Variants in SLC6A2 observed in about 807,000 individuals in gnomAD.
SLC6A2 encodes solute carrier family 6 member 2, also known as sodium-dependent noradrenaline transporter.
In SLC6A2, 26 loss-of-function variants were observed where a neutral mutation model predicts 71.7. The observed-to-expected ratio is 0.36, with a 90% CI of 0.27 to 0.50. SLC6A2 has a LOEUF of 0.50. SLC6A2 is among the 20% of genes least tolerant of loss of function. SLC6A2 has a pLI of 0.96. For synonymous variants in SLC6A2, 363 were observed against 337.9 expected (o/e 1.07, Z -0.82); for missense variants, 581 against 803.9 (o/e 0.72, Z 3.35).
In SLC6A2 at chr16:55,679,143, T is replaced by C. The variant is rs112974538; in HGVS notation, c.645-6000T>C. 7.9e-4 allele frequency among the ~76,000 whole-genome samples: 120 copies of C among 152,300 alleles called. 1 individual carries two copies. The highest frequency in any genetic ancestry group is 2.8e-3 in the African/African-American group (117 of 41,566). On this transcript the variant is annotated intron_variant, in intron 4 of 14. Coordinates refer to ENST00000568943, the MANE Select transcript of SLC6A2 (RefSeq NM_001172501.3). ...TCAACCAAATGACAATTGACACAAT[T>C]CAACACCTGTCCCATAAAGGCACAG...
At chr16:55,679,284 A>G (rs993904058) in intron 4 of SLC6A2, among the ~76,000 whole-genome samples, 3 of 151,486 alleles carry the variant, frequency 2.0e-5, no homozygotes, top group Non-Finnish European at 4.4e-5. Context: ...CTGGAGGGCA[A>G]TGGCTCAATC....
intron 2 of SLC6A2, among the ~76,000 whole-genome samples, chr16:55,667,143 T>A (rs531105249): frequency 3.3e-5 from 5 of 152,278 alleles, no homozygotes; most frequent in African/African-American, 1.2e-4. Flanking sequence ...GTAAGCCTCC[T>A]GCCTTGGCCT....
rs570618334 is a variant in SLC6A2, at chr16:55,661,413, C to T, written c.274+4445C>T. Among the ~76,000 whole-genome samples, 14 of 152,296 alleles carry T rather than the reference C, an allele frequency of 9.2e-5. No homozygotes were observed. The South Asian group carries it at 1.7e-3, about 18-fold the overall frequency. ...TCCTTACACAGAAGAGGAGAATAAC[C>T]ACAGCACCTTCTTGCAGGGTGAGAT... On this transcript the variant is annotated intron_variant, in intron 2 of 14. Transcript: ENST00000568943.
At position 55,656,661 on chromosome 16, in the gene SLC6A2, A is replaced by C. The variant is rs755920984; in HGVS notation, c.-34A>C. On this transcript the variant is annotated 5_prime_UTR_variant, in exon 2 of 15. Coordinates refer to ENST00000568943, the MANE Select transcript of SLC6A2 (RefSeq NM_001172501.3). The surrounding 1 kb of genome is among the most constrained non-coding windows in gnomAD (Gnocchi z 4.5). ...CCAAGCAGAGCCTCGGCGTGCCCCC[A>C]GGACCGGTAAAGTTCCTCTCGCCAG... is the stretch of plus-strand genomic sequence containing the variant. 2 of 1,610,856 alleles carry C rather than the reference A, an allele frequency of 1.2e-6. No homozygotes were observed. Among genetic ancestry groups the C allele is most frequent in the Non-Finnish European group, 8.5e-7 (1 of 1,179,774 alleles).
At position 55,695,369 on chromosome 16, in the gene SLC6A2, C is replaced by T. The variant is rs759956740; in HGVS notation, c.1114C>T (p.His372Tyr). ...FSILGYMAHE[H>Y]KVNIEDVATE... ...CATCCTTGGTTACATGGCCCATGAA[C>T]ACAAGGTCAACATTGAGGATGTGGC... The change falls in exon 8 of 15, where the codon CAC (histidine) becomes TAC (tyrosine). Residue 372 changes from histidine to tyrosine, a missense_variant. This residue lies in a region of SLC6A2 where 334 missense variants were observed against 449.0 expected (regional missense o/e 0.74). Transcript: ENST00000568943. 3 of 1,614,248 alleles carry T rather than the reference C, an allele frequency of 1.9e-6. No individual in the cohort carries two copies. Among genetic ancestry groups the T allele is most frequent in the Non-Finnish European group, 2.5e-6 (3 of 1,180,034 alleles).
At chr16:55,671,562 C>T (rs1333177143) in intron 3 of SLC6A2, 12 of 466,474 alleles carry the variant, frequency 2.6e-5, no homozygotes, top group Non-Finnish European at 4.2e-5. Context: ...TACAGCTGCT[C>T]CCCATCGCTC....
At position 55,656,353 on chromosome 16, in the gene SLC6A2, G is replaced by A. The variant is rs142872539; in HGVS notation, c.-52+184G>A. On this transcript the variant is annotated intron_variant, in intron 1 of 14. Coordinates refer to ENST00000568943, the MANE Select transcript of SLC6A2 (RefSeq NM_001172501.3). The surrounding 1 kb of genome is among the most constrained non-coding windows in gnomAD (Gnocchi z 4.5). ...GGTCGGCACGCTGCCCTCAGCCTCG[G>A]TGAGTTCAATCCCAGCCATTTGGGG... 5.8e-5 allele frequency: 24 copies of A among 414,978 alleles called. 1 individual carries two copies. Among genetic ancestry groups the A allele is most frequent in the South Asian group, 3.9e-4 (17 of 43,478 alleles). 25.7% of individuals were successfully genotyped at this position (414,978 alleles called of 1,614,324 possible).
chr16:55,682,232 T>A (rs1244896619), intron 4 of SLC6A2, among the ~76,000 whole-genome samples: 1 of 152,082 alleles, frequency 6.6e-6, no homozygotes, highest in Non-Finnish European at 1.5e-5. Flanking sequence ...GCAGCTGCTT[T>A]CTGAATGGAC....
intron 4 of SLC6A2, among the ~76,000 whole-genome samples, chr16:55,676,781 G>T (rs1317455848): frequency 1.3e-5 from 2 of 152,158 alleles, no homozygotes; most frequent in Admixed American, 6.5e-5. Flanking sequence ...TTTTATGAAT[G>T]GGAAAACAGG....
At chr16:55,697,781 G>A in intron 9 of SLC6A2, 116 bp from the exon 10 acceptor site, 3 of 1,087,554 alleles carry the variant, frequency 2.8e-6, no homozygotes, top group Non-Finnish European at 4.1e-6. Context: ...TCTCGAGAGA[G>A]GCAAGGCAGC....
intron 2 of SLC6A2, among the ~76,000 whole-genome samples, chr16:55,663,718 C>T (rs1964671284): frequency 6.6e-6 from 1 of 152,160 alleles, no homozygotes; most frequent in Non-Finnish European, 1.5e-5. Flanking sequence ...CTTGTTGTAA[C>T]ATTGGGGCAC....
chr16:55,664,442 A>C (rs1241853548), intron 2 of SLC6A2, among the ~76,000 whole-genome samples: 2 of 152,202 alleles, frequency 1.3e-5, no homozygotes, highest in East Asian at 3.9e-4. Context: ...ATCCCAGAGC[A>C]CTGCCGCAGA....
At chr16:55,672,304 A>G in intron 4 of SLC6A2, 129 bp downstream of exon 4, 1 of 1,508,742 alleles carries the variant, frequency 6.6e-7, no homozygotes, top group South Asian at 1.2e-5. Flanking sequence ...CTGAGCAGCC[A>G]CTGGCCTGAT....
rs1022365924 is a variant in SLC6A2 at position 55,663,648 on chromosome 16, T to C, written c.275-5917T>C. ...TACTACTATGAAACCTATCTGTCTATCTATCTATCCATCTGTCTATCTATT... is the reference window on the plus strand; with the variant it reads ...TACTACTATGAAACCTATCTGTCTACCTATCTATCCATCTGTCTATCTATT... On this transcript the variant is annotated intron_variant, in intron 2 of 14. Transcript: ENST00000568943. 2.6e-5 allele frequency among the ~76,000 whole-genome samples: 4 copies of C among 152,236 alleles called. No individual in the cohort carries two copies. The East Asian group carries it at 7.7e-4, about 29-fold the overall frequency.
At chr16:55,696,633 A>G (rs140754374) in intron 9 of SLC6A2, among the ~76,000 whole-genome samples, 73 of 152,318 alleles carry the variant, frequency 4.8e-4, no homozygotes, top group African/African-American at 1.7e-3. Flanking sequence ...ATTCAGAGGC[A>G]ACACAGATAA....
chr16:55,701,335 T>C (rs1965965907), intron 13 of SLC6A2, among the ~76,000 whole-genome samples: 1 of 152,316 alleles, frequency 6.6e-6, no homozygotes, highest in Middle Eastern at 3.4e-3. Flanking sequence ...ACATGGGAAC[T>C]GGGACCTGAG....
chr16:55,682,834 A>G (rs1443351548), intron 4 of SLC6A2, among the ~76,000 whole-genome samples: 1 of 152,092 alleles, frequency 6.6e-6, no homozygotes, highest in African/African-American at 2.4e-5. Context: ...ACCCAGTGGG[A>G]TCTCGTTTTG....
At chr16:55,696,529 A>G (rs1965804591) in intron 9 of SLC6A2, among the ~76,000 whole-genome samples, 192 bp downstream of exon 9, 1 of 152,252 alleles carries the variant, frequency 6.6e-6, no homozygotes, top group African/African-American at 2.4e-5. Flanking sequence ...GCCATAGCCA[A>G]GAACCATAGG....
chr16:55,658,986 G>T (rs998911204), intron 2 of SLC6A2, among the ~76,000 whole-genome samples: 1 of 152,200 alleles, frequency 6.6e-6, no homozygotes, highest in Non-Finnish European at 1.5e-5. Context: ...CTTTTAAGAG[G>T]CAGGGAGATG....
Sources: gnomAD v4.1 joint callset for allele counts (sites outside exome capture counted in the v4.1 genomes callset) on GRCh38, gnomAD v4.1.1 for gene constraint, gnomAD v4.1.1 regional missense constraint, Gnocchi (gnomAD v3.1) non-coding constraint, MANE v1.5 for transcripts, NCBI Gene and HGNC (gene_info 2026-07-23, HGNC 2026-07-21) for gene names.